SNTG1: variants seen among roughly 807,000 people sequenced by gnomAD.
SNTG1 encodes gamma-1-syntrophin.
Under a neutral mutation model 74.7 loss-of-function variants are expected in SNTG1, and 39 were observed. The ratio of observed to expected loss-of-function variants is 0.52; its 90% confidence interval spans 0.40 to 0.68. The LOEUF is 0.68. Ranked by LOEUF, SNTG1 falls within the 30% of genes least tolerant of loss-of-function variation. The probability of loss-of-function intolerance (pLI) is 0.00; values close to 1 mark genes in which losing one functional copy is unlikely to be tolerated. For synonymous variants in SNTG1, 254 were observed against 217.1 expected, an observed-to-expected ratio of 1.17 and a Z score of -1.49; for missense variants, 685 against 609.5, an observed-to-expected ratio of 1.12 and a Z score of -1.30.
chr8:50,203,737 C>T (rs1345371715), intron 2 of SNTG1, among the ~76,000 whole-genome samples: 2 of 149,006 alleles, frequency 1.3e-5, no homozygotes, highest in Non-Finnish European at 3.0e-5. Context: ...TGCTATGTGG[C>T]AGAATTAAAT....
At chr8:50,689,032 A>G (rs1206529706) in intron 15 of SNTG1, among the ~76,000 whole-genome samples, 10 of 150,062 alleles carry the variant, frequency 6.7e-5, no homozygotes, top group Non-Finnish European at 5.9e-5. Context: ...GTGAATGGGA[A>G]TTCACTTATG....
intron 1 of SNTG1, among the ~76,000 whole-genome samples, chr8:50,047,024 T>A (rs1819148104): frequency 6.6e-6 from 1 of 152,190 alleles, no homozygotes; most frequent in Non-Finnish European, 1.5e-5. Context: ...ACTCTCCTTT[T>A]CATTTTTAGG....
chr8:50,019,658 G>T (rs533722508), intron 1 of SNTG1, among the ~76,000 whole-genome samples: 1 of 152,098 alleles, frequency 6.6e-6, no homozygotes, highest in East Asian at 1.9e-4. Flanking sequence ...TGATAAAACT[G>T]ATTCATACAT....
intron 15 of SNTG1, among the ~76,000 whole-genome samples, chr8:50,679,250 G>T (rs2095321964): frequency 6.6e-6 from 1 of 151,988 alleles, no homozygotes; most frequent in Non-Finnish European, 1.5e-5. Flanking sequence ...GTATTACTTA[G>T]TTGTTGTATG....
chr8:50,750,809 G>A (rs1469207035), intron 17 of SNTG1, among the ~76,000 whole-genome samples: 1 of 151,770 alleles, frequency 6.6e-6, no homozygotes, highest in Non-Finnish European at 1.5e-5. Flanking sequence ...TATGCATTGG[G>A]GAACCAAACA....
chr8:50,311,323 A>G (rs1366545277), intron 2 of SNTG1, among the ~76,000 whole-genome samples: 1 of 152,122 alleles, frequency 6.6e-6, no homozygotes. Flanking sequence ...CACTTTAGGA[A>G]AGGTTATGTT....
At chr8:50,010,603 G>T (rs963321914) in intron 1 of SNTG1, among the ~76,000 whole-genome samples, 7 of 151,840 alleles carry the variant, frequency 4.6e-5, no homozygotes, top group African/African-American at 1.7e-4. Context: ...AAATTCACTA[G>T]GTGCACCTGA....
At chr8:50,437,131 A>T (rs780880227) in intron 4 of SNTG1, among the ~76,000 whole-genome samples, 1 of 152,202 alleles carries the variant, frequency 6.6e-6, no homozygotes, top group Non-Finnish European at 1.5e-5. Flanking sequence ...TAAGAGTAAC[A>T]TAAGTATTTT....
chr8:50,629,176 G>T (rs145885334), intron 13 of SNTG1, among the ~76,000 whole-genome samples: 1 of 152,088 alleles, frequency 6.6e-6, no homozygotes, highest in African/African-American at 2.4e-5. Flanking sequence ...TAACAATACC[G>T]TGTTGCTCAC....
chr8:50,313,352 G>A (rs1271078940), intron 2 of SNTG1, among the ~76,000 whole-genome samples: 1 of 149,436 alleles, frequency 6.7e-6, no homozygotes, highest in African/African-American at 2.5e-5. Flanking sequence ...GCACTGCAAA[G>A]GAAACAATTT....
chr8:50,456,930 ACT>A (rs1411772695), intron 8 of SNTG1: 1 of 151,918 alleles, frequency 6.6e-6, no homozygotes, highest in Non-Finnish European at 1.5e-5. Flanking sequence ...CTTCTCAGAC[ACT>A]CTCCTGTCTG....
intron 1 of SNTG1, among the ~76,000 whole-genome samples, chr8:50,077,881 C>T (rs1822038026): frequency 6.6e-6 from 1 of 152,138 alleles, no homozygotes; most frequent in African/African-American, 2.4e-5. Context: ...ATAGTTCCAA[C>T]TCTTACCTTT....
intron 1 of SNTG1, among the ~76,000 whole-genome samples, chr8:50,078,596 C>G (rs1488015329): frequency 6.6e-6 from 1 of 152,034 alleles, no homozygotes; most frequent in Non-Finnish European, 1.5e-5. Flanking sequence ...GCTGAGCATG[C>G]AGGTTTATTA....
intron 1 of SNTG1, among the ~76,000 whole-genome samples, chr8:50,115,575 A>AAAAAAAAAAAAAAAAAAAAAC (rs1563617637): frequency 6.9e-6 from 1 of 144,870 alleles, no homozygotes; most frequent in East Asian, 2.2e-4. Context: ...CTCAAAAAAA[A>AAAAAAAAAAAAAAAAAAAAAC]AAAAAAAAAA....
intron 8 of SNTG1, among the ~76,000 whole-genome samples, chr8:50,486,976 C>A (rs1203271389): frequency 6.6e-6 from 1 of 152,152 alleles, no homozygotes; most frequent in South Asian, 2.1e-4. Flanking sequence ...TATATTGAAC[C>A]AGCCTTGCAT....
Position 49,972,827 on chromosome 8 carries a change from C to T in SNTG1, c.-103+60596C>T, listed in dbSNP as rs537578107. 3.3e-5 allele frequency among the ~76,000 whole-genome samples: 5 copies of T among 152,256 alleles called. No individual in the cohort carries two copies. The East Asian group carries it at 9.6e-4, about 29-fold the overall frequency. On this transcript the variant is annotated intron_variant, in intron 1 of 18. Transcript: ENST00000642720. ...AACCACAATGAGATATCATCTCAGA[C>T]CAGTTAGAATGGTGATCATTAAAAA...
chr8:50,451,269 G>T (rs901002092), intron 8 of SNTG1, among the ~76,000 whole-genome samples: 9 of 152,192 alleles, frequency 5.9e-5, no homozygotes, highest in Admixed American at 5.2e-4. Flanking sequence ...AGTATCTAAA[G>T]ATTATTTTAG....
chr8:49,957,917 G>A (rs986324934), intron 1 of SNTG1, among the ~76,000 whole-genome samples: 1 of 152,132 alleles, frequency 6.6e-6, no homozygotes, highest in Admixed American at 6.5e-5. Flanking sequence ...CTGGGCAACA[G>A]AGTGAGATTG....
intron 2 of SNTG1, among the ~76,000 whole-genome samples, chr8:50,345,000 C>T (rs1433809103): frequency 1.3e-5 from 2 of 152,098 alleles, no homozygotes; most frequent in Admixed American, 6.6e-5. Context: ...CATGTGAGGA[C>T]ACAGGGAGAA....
Sources: allele counts gnomAD v4.1 joint callset (sites outside exome capture counted in the v4.1 genomes callset), GRCh38; gene constraint gnomAD v4.1.1; transcripts MANE v1.5; gene names NCBI Gene and HGNC (gene_info 2026-07-23, HGNC 2026-07-21).